OPCML: variants seen among roughly 807,000 people sequenced by gnomAD.
OPCML encodes the protein opioid binding protein/cell adhesion molecule like, also known as opioid-binding protein/cell adhesion molecule.
OPCML carries 13 observed loss-of-function variants against 37.8 expected under a neutral mutation model. The observed-to-expected ratio is 0.34, with a 90% CI of 0.22 to 0.55. The LOEUF (loss-of-function observed/expected upper bound fraction) is 0.55, where lower values mean the gene tolerates loss of function less well. Ranked by LOEUF, OPCML falls within the 20% of genes least tolerant of loss-of-function variation. The pLI is 0.91. For synonymous variants in OPCML, 176 were observed against 168.8 expected, an observed-to-expected ratio of 1.04 and a Z score of -0.33; for missense variants, 341 against 435.6, an observed-to-expected ratio of 0.78 and a Z score of 1.93.
At chr11:132,867,668 T>C (rs1942629215) in intron 2 of OPCML, among the ~76,000 whole-genome samples, 1 of 152,166 alleles carries the variant, frequency 6.6e-6, no homozygotes, top group Admixed American at 6.5e-5. Flanking sequence ...TGAAGGGTTA[T>C]TCGTTTCTGG....
intron 1 of OPCML, chr11:133,301,409 T>C (rs368423617): frequency 2.6e-5 from 4 of 152,314 alleles, no homozygotes; most frequent in African/African-American, 9.6e-5. Context: ...CTCAGAGATA[T>C]TTATTGCTTA....
intron 1 of OPCML, among the ~76,000 whole-genome samples, chr11:133,329,008 C>T (rs1342908591): frequency 6.6e-6 from 1 of 152,058 alleles, no homozygotes; most frequent in Non-Finnish European, 1.5e-5. Flanking sequence ...AATCAATGTA[C>T]AAAAATCACA....
intron 1 of OPCML, among the ~76,000 whole-genome samples, chr11:133,386,182 T>A (rs1945045270): frequency 6.6e-6 from 1 of 152,256 alleles, no homozygotes. Flanking sequence ...ATAAATTTAA[T>A]GTAATTCCTA....
chr11:132,778,134 C>G (rs567691084), intron 2 of OPCML, among the ~76,000 whole-genome samples: 1 of 152,182 alleles, frequency 6.6e-6, no homozygotes, highest in Non-Finnish European at 1.5e-5. Context: ...AACGAGGGAG[C>G]AAAGGCATGT....
intron 2 of OPCML, among the ~76,000 whole-genome samples, chr11:132,821,686 T>C (rs754625147): frequency 5.9e-5 from 9 of 152,256 alleles, no homozygotes; most frequent in Non-Finnish European, 1.0e-4. Context: ...GCTGTTGTGC[T>C]GACTTCGACA....
At chr11:132,646,817 G>A (rs922680264) in intron 3 of OPCML, among the ~76,000 whole-genome samples, 2 of 152,158 alleles carry the variant, frequency 1.3e-5, no homozygotes, top group Admixed American at 6.5e-5. Flanking sequence ...GGATACCCAA[G>A]TTGAGGAGCT....
intron 1 of OPCML, among the ~76,000 whole-genome samples, chr11:133,163,972 C>A (rs1592063785): frequency 6.6e-6 from 1 of 152,274 alleles, no homozygotes; most frequent in East Asian, 1.9e-4. Context: ...ATGAGATTGT[C>A]CCTCCCCCTC....
At chr11:133,489,146 C>T (rs1947597306) in intron 1 of OPCML, among the ~76,000 whole-genome samples, 3 of 151,976 alleles carry the variant, frequency 2.0e-5, no homozygotes, top group Admixed American at 2.0e-4. Flanking sequence ...CTAAGAAAAA[C>T]TTTTCTGGAC....
intron 3 of OPCML, among the ~76,000 whole-genome samples, chr11:132,645,256 T>A (rs1325252635): frequency 6.6e-6 from 1 of 152,212 alleles, no homozygotes; most frequent in Non-Finnish European, 1.5e-5. Context: ...CAGTGATCTG[T>A]CCCAAGGGAA....
intron 4 of OPCML, among the ~76,000 whole-genome samples, chr11:132,493,332 C>G (rs535064855): frequency 6.6e-6 from 1 of 152,322 alleles, no homozygotes; most frequent in African/African-American, 2.4e-5. Flanking sequence ...TGGAAAGCTG[C>G]TGAGATGCTC....
intron 2 of OPCML, among the ~76,000 whole-genome samples, chr11:132,752,677 T>A (rs903375265): frequency 1.2e-4 from 18 of 151,036 alleles, no homozygotes; most frequent in Non-Finnish European, 2.2e-4. Flanking sequence ...TTTTTTTTTT[T>A]AATTAGTTTC....
intron 3 of OPCML, among the ~76,000 whole-genome samples, chr11:132,586,393 A>C (rs2096472718): frequency 6.6e-6 from 1 of 152,206 alleles, no homozygotes; most frequent in Non-Finnish European, 1.5e-5. Flanking sequence ...GACTGTCACA[A>C]ACTTAACCAA....
chr11:133,512,625 G>T (rs536381222), intron 1 of OPCML, among the ~76,000 whole-genome samples: 4 of 152,206 alleles, frequency 2.6e-5, no homozygotes, highest in African/African-American at 4.8e-5. Flanking sequence ...CACATGTTTG[G>T]TTCCCCTGGC....
chr11:133,352,762 G>A (rs762573690), intron 1 of OPCML, among the ~76,000 whole-genome samples: 34 of 152,130 alleles, frequency 2.2e-4, no homozygotes, highest in East Asian at 3.9e-4. Context: ...AGTAAAAATC[G>A]CTGTTTTCAT....
chr11:132,465,001 C>T (rs1333237126), intron 4 of OPCML, among the ~76,000 whole-genome samples: 1 of 152,034 alleles, frequency 6.6e-6, no homozygotes, highest in Admixed American at 6.6e-5. Context: ...TTTTTATTTA[C>T]CTAAATGGCA....
At chr11:132,648,433 TG>T (rs1941263877) in intron 3 of OPCML, among the ~76,000 whole-genome samples, 1 of 152,168 alleles carries the variant, frequency 6.6e-6, no homozygotes, top group African/African-American at 2.4e-5. Context: ...GTGATGATTT[TG>T]AGAACAGGCA....
At chr11:132,979,414 C>T (rs1012946787) in intron 1 of OPCML, among the ~76,000 whole-genome samples, 5 of 152,324 alleles carry the variant, frequency 3.3e-5, no homozygotes, top group African/African-American at 9.6e-5. Flanking sequence ...CCTTAGACAG[C>T]CTGCTCACAC....
At chr11:132,988,170 G>C (rs1454499576) in intron 1 of OPCML, among the ~76,000 whole-genome samples, 1 of 152,212 alleles carries the variant, frequency 6.6e-6, no homozygotes, top group Non-Finnish European at 1.5e-5. Flanking sequence ...GGATGGATGA[G>C]GGTGGTCAGT....
intron 2 of OPCML, among the ~76,000 whole-genome samples, chr11:132,905,823 T>A (rs1219227540): frequency 1.3e-5 from 2 of 152,194 alleles, no homozygotes; most frequent in Non-Finnish European, 2.9e-5. Context: ...ATAATGGGAA[T>A]AATACCATTG....
Sources: gnomAD v4.1 joint callset for allele counts (sites outside exome capture counted in the v4.1 genomes callset) on GRCh38, gnomAD v4.1.1 for gene constraint, MANE v1.5 for transcripts, NCBI Gene and HGNC (gene_info 2026-07-23, HGNC 2026-07-21) for gene names.